DPP6: variants seen among roughly 807,000 people sequenced by gnomAD.
DPP6 encodes the protein dipeptidyl peptidase like 6.
In DPP6, 69 loss-of-function variants were observed where a neutral mutation model predicts 122.6. The observed-to-expected ratio is 0.56, with a 90% CI of 0.46 to 0.69. DPP6 has a LOEUF of 0.69. DPP6 is among the 30% of genes least tolerant of loss of function. DPP6 has a pLI of 0.00. For synonymous variants in DPP6, 418 were observed against 433.1 expected, an observed-to-expected ratio of 0.97 and a Z score of 0.43; for missense variants, 928 against 1,116.9, an observed-to-expected ratio of 0.83 and a Z score of 2.41.
At chr7:154,298,254 CTG>C (rs996736988) in intron 1 of DPP6, among the ~76,000 whole-genome samples, 5 of 104,926 alleles carry the variant, frequency 4.8e-5, no homozygotes, top group Non-Finnish European at 1.1e-4. Context: ...CCTTAAAAAT[CTG>C]TCTCTCTCTC....
chr7:154,006,597 A>G (rs1333427026), intron 1 of DPP6, among the ~76,000 whole-genome samples: 1 of 152,258 alleles, frequency 6.6e-6, no homozygotes, highest in East Asian at 1.9e-4. Flanking sequence ...CCGAGTTGAA[A>G]GCTGAGCTCT....
intron 5 of DPP6, chr7:154,587,242 C>T (rs1157265153): frequency 4.2e-6 from 1 of 239,072 alleles, no homozygotes; most frequent in Non-Finnish European, 8.2e-6. Context: ...CAAAGGCTAT[C>T]AGCTCACTCC....
chr7:154,797,221 G>A (rs1165158686), intron 12 of DPP6, among the ~76,000 whole-genome samples: 2 of 152,206 alleles, frequency 1.3e-5, no homozygotes, highest in Non-Finnish European at 2.9e-5. Context: ...ATGCTAGGCT[G>A]TGGATTTCAA....
chr7:154,503,045 T>C (rs12703357), intron 3 of DPP6, among the ~76,000 whole-genome samples: 40,141 of 152,176 alleles, frequency 0.26, 5,444 homozygotes, highest in Middle Eastern at 0.33. Flanking sequence ...CGGTTCTATG[T>C]GTGGTCCTGG....
chr7:154,806,145 T>C (rs990873131), intron 15 of DPP6, among the ~76,000 whole-genome samples: 2 of 152,174 alleles, frequency 1.3e-5, no homozygotes, highest in Non-Finnish European at 2.9e-5. Context: ...TGTCACCAAT[T>C]AATAAACATG....
At chr7:154,832,127 CTCT>C (rs1800674369) in intron 16 of DPP6, among the ~76,000 whole-genome samples, 1 of 152,230 alleles carries the variant, frequency 6.6e-6, no homozygotes, top group African/African-American at 2.4e-5. Context: ...CAGGTTATGA[CTCT>C]TCTTTCCCTC....
chr7:154,380,339 A>T (rs4725539), intron 1 of DPP6, among the ~76,000 whole-genome samples: 74,108 of 151,916 alleles, frequency 0.49, 20,710 homozygotes, highest in East Asian at 0.63. Context: ...TAGCAAAAAG[A>T]GTGTGTGTGT....
intron 5 of DPP6, among the ~76,000 whole-genome samples, chr7:154,576,679 CG>C (rs1433315321): frequency 2.6e-5 from 4 of 152,184 alleles, no homozygotes; most frequent in Non-Finnish European, 4.4e-5. Flanking sequence ...CTCAGCAGGC[CG>C]GGCACAGCCC....
intron 5 of DPP6, chr7:154,587,249 C>T (rs757032341): frequency 1.6e-5 from 4 of 246,556 alleles, no homozygotes; most frequent in East Asian, 1.0e-4. Context: ...TATCAGCTCA[C>T]TCCTTTTGTC....
At chr7:154,817,773 TG>T (rs1361254639) in intron 16 of DPP6, among the ~76,000 whole-genome samples, 4 of 8,492 alleles carry the variant, frequency 4.7e-4, no homozygotes, top group East Asian at 2.7e-3. Flanking sequence ...CAGTGATTGA[TG>T]GATGATGTCA....
chr7:153,938,082 C>A (rs1037381188), intron 1 of DPP6, among the ~76,000 whole-genome samples: 1 of 152,184 alleles, frequency 6.6e-6, no homozygotes, highest in Non-Finnish European at 1.5e-5. Context: ...TATTCAGAGT[C>A]CCTTTCTCTC....
intron 3 of DPP6, among the ~76,000 whole-genome samples, chr7:154,484,444 C>G (rs1258258301): frequency 6.6e-6 from 1 of 152,208 alleles, no homozygotes; most frequent in South Asian, 2.1e-4. Context: ...CTGAGCAAAT[C>G]GAAGCCTCCT....
intron 1 of DPP6, among the ~76,000 whole-genome samples, chr7:154,114,445 T>C (rs1256783750): frequency 1.3e-5 from 2 of 152,068 alleles, no homozygotes; most frequent in Non-Finnish European, 2.9e-5. Flanking sequence ...CTTGACACAA[T>C]AATAAAAACT....
chr7:154,608,335 A>ATT (rs559465398), intron 5 of DPP6, among the ~76,000 whole-genome samples: 1,305 of 114,594 alleles, frequency 0.011, 58 homozygotes, highest in Non-Finnish European at 0.015. Flanking sequence ...ATATATATAT[A>ATT]TATATATTTT....
At chr7:154,667,083 G>A (rs1460987310) in intron 6 of DPP6, among the ~76,000 whole-genome samples, 2 of 151,914 alleles carry the variant, frequency 1.3e-5, no homozygotes, top group Non-Finnish European at 2.9e-5. Flanking sequence ...AATTTCATAT[G>A]TATTTGAGTA....
chr7:154,409,554 A>G (rs904940803), intron 1 of DPP6, among the ~76,000 whole-genome samples: 2 of 152,224 alleles, frequency 1.3e-5, no homozygotes, highest in Non-Finnish European at 2.9e-5. Context: ...TGTTGTTTAT[A>G]TCGTGGCTCA....
At chr7:154,212,534 CA>C (rs1464772829) in intron 1 of DPP6, among the ~76,000 whole-genome samples, 3 of 152,108 alleles carry the variant, frequency 2.0e-5, no homozygotes, top group Non-Finnish European at 4.4e-5. Flanking sequence ...TCCCTTTAGC[CA>C]TAAATGTATG....
chr7:154,110,522 A>C (rs2533686), intron 1 of DPP6, among the ~76,000 whole-genome samples: 5 of 152,206 alleles, frequency 3.3e-5, no homozygotes, highest in Admixed American at 2.6e-4. Flanking sequence ...CAGAGAGAAA[A>C]ACACAGACAC....
At chr7:154,566,730 A>T (rs1830775863) in intron 4 of DPP6, 112 bp from the exon 5 acceptor site, 1 of 643,586 alleles carries the variant, frequency 1.6e-6, no homozygotes, top group African/African-American at 1.9e-5. Context: ...GGATATAGCC[A>T]TTTTAATAGC....
Sources: gnomAD v4.1 joint callset for allele counts (sites outside exome capture counted in the v4.1 genomes callset) on GRCh38, gnomAD v4.1.1 for gene constraint, MANE v1.5 for transcripts, NCBI Gene and HGNC (gene_info 2026-07-23, HGNC 2026-07-21) for gene names.